Variants in KCNIP4 observed in about 807,000 individuals in gnomAD.
KCNIP4 encodes the protein Kv channel-interacting protein 4.
Under a neutral mutation model 34.0 loss-of-function variants are expected in KCNIP4, and 12 were observed. That is an observed-to-expected ratio of 0.35 (90% CI 0.23 to 0.57). KCNIP4 has a LOEUF of 0.57. KCNIP4 is among the 20% of genes least tolerant of loss of function. KCNIP4 has a pLI of 0.83. For missense variants in KCNIP4, 238 were observed against 311.7 expected (o/e 0.76, Z 1.78); for synonymous variants, 124 against 102.2 (o/e 1.21, Z -1.29).
At chr4:20,994,430 A>G (rs1384379540) in intron 1 of KCNIP4, among the ~76,000 whole-genome samples, 1 of 152,222 alleles carries the variant, frequency 6.6e-6, no homozygotes, top group Non-Finnish European at 1.5e-5. Flanking sequence ...TTTGAGAAGG[A>G]AAGGGCAGCT....
chr4:20,988,197 A>G (rs1329366829), intron 1 of KCNIP4, among the ~76,000 whole-genome samples: 1 of 151,936 alleles, frequency 6.6e-6, no homozygotes, highest in East Asian at 1.9e-4. Context: ...CTACTTTATC[A>G]TTCACCACCT....
chr4:21,014,520 A>T (rs140813201), intron 1 of KCNIP4, among the ~76,000 whole-genome samples: 446 of 152,372 alleles, frequency 2.9e-3, no homozygotes, highest in African/African-American at 0.01. Context: ...TAACATTCAA[A>T]ATCACATGTC....
intron 1 of KCNIP4, among the ~76,000 whole-genome samples, chr4:21,261,223 C>T (rs1281138503): frequency 6.6e-6 from 1 of 152,092 alleles, no homozygotes; most frequent in Non-Finnish European, 1.5e-5. Flanking sequence ...GGGACTCTGG[C>T]TTTAAATCAA....
chr4:20,931,920 C>G (rs12512047), intron 1 of KCNIP4, among the ~76,000 whole-genome samples: 13,944 of 37,582 alleles, frequency 0.37, 2,318 homozygotes, highest in East Asian at 0.46. Flanking sequence ...TAGTCTATAA[C>G]AGTCTAATAT....
chr4:21,012,341 G>A (rs535437813), intron 1 of KCNIP4, among the ~76,000 whole-genome samples: 24 of 152,294 alleles, frequency 1.6e-4, no homozygotes, highest in Admixed American at 3.3e-4. Context: ...CGCTTTAGGA[G>A]GCCAAAGCAA....
intron 1 of KCNIP4, among the ~76,000 whole-genome samples, chr4:21,234,024 T>TATATATAAC (rs1367004618): frequency 3.1e-5 from 3 of 96,604 alleles, no homozygotes; most frequent in Non-Finnish European, 5.1e-5. Flanking sequence ...TAACATATAT[T>TATATATAAC]ATATATAACA....
chr4:21,718,575 T>G (rs1011594525), intron 1 of KCNIP4: 1 of 152,158 alleles, frequency 6.6e-6, no homozygotes, highest in Non-Finnish European at 1.5e-5. Context: ...TGTCTGAAAC[T>G]TCTCTAAATG....
At chr4:20,984,028 G>C (rs1033210383) in intron 1 of KCNIP4, 78 of 1,485,178 alleles carry the variant, frequency 5.3e-5, no homozygotes, top group Non-Finnish European at 6.9e-5. Context: ...GACTTGCAAG[G>C]GGAAAAAGTG....
At chr4:21,874,808 C>T (rs957480868) in intron 1 of KCNIP4, among the ~76,000 whole-genome samples, 14 of 152,114 alleles carry the variant, frequency 9.2e-5, no homozygotes, top group Non-Finnish European at 1.6e-4. Context: ...TTTTTACTAC[C>T]TTTCCATATT....
intron 1 of KCNIP4, among the ~76,000 whole-genome samples, chr4:20,955,606 A>G (rs183252959): frequency 2.6e-5 from 4 of 152,288 alleles, no homozygotes; most frequent in Admixed American, 2.6e-4. Flanking sequence ...TCAATCCAAA[A>G]TACTGAAAAA....
chr4:21,304,069 CAGAGAGAGAGAG>C (rs1276234904), intron 1 of KCNIP4: 3 of 138,114 alleles, frequency 2.2e-5, no homozygotes, highest in African/African-American at 5.0e-5. Context: ...GAGAGAGAGA[CAGAGAGAGAGAG>C]AGAGACAGAG....
chr4:20,845,831 T>C (rs971544103), intron 3 of KCNIP4, among the ~76,000 whole-genome samples: 2 of 152,224 alleles, frequency 1.3e-5, no homozygotes, highest in South Asian at 4.1e-4. Context: ...CCACAAAGAA[T>C]TGAATTCTGC....
At chr4:20,828,996 G>A (rs529845661) in intron 3 of KCNIP4, among the ~76,000 whole-genome samples, 1 of 152,216 alleles carries the variant, frequency 6.6e-6, no homozygotes, top group South Asian at 2.1e-4. Context: ...AATTGGGGAC[G>A]TCAGTTTTGC....
In KCNIP4 at chr4:21,065,118, C is replaced by T. The variant is rs1022822709; in HGVS notation, c.62-182409G>A. ...AGCCCTATGTTTTGTTTCTCAAGCACGTAGTCACACCTTTCTTCCCCTTTA... is the reference window on the plus strand; with the variant it reads ...AGCCCTATGTTTTGTTTCTCAAGCATGTAGTCACACCTTTCTTCCCCTTTA... On this transcript the variant is annotated intron_variant, in intron 1 of 8. Coordinates refer to ENST00000382152, the MANE Select transcript of KCNIP4 (RefSeq NM_025221.6). 7.2e-5 allele frequency among the ~76,000 whole-genome samples: 11 copies of T among 152,314 alleles called. No individual in the cohort carries two copies. In the East Asian group the frequency reaches 7.7e-4, roughly 11 times the overall value.
chr4:21,120,813 A>G (rs1478717585), intron 1 of KCNIP4, among the ~76,000 whole-genome samples: 4 of 152,156 alleles, frequency 2.6e-5, no homozygotes, highest in Admixed American at 1.3e-4. Context: ...TCTTCCTGTG[A>G]AAACACCGGT....
intron 1 of KCNIP4, among the ~76,000 whole-genome samples, chr4:21,144,979 G>GA (rs5856605): frequency 4.6e-4 from 69 of 148,754 alleles, no homozygotes; most frequent in Admixed American, 1.3e-3. Context: ...CATCTTTAGG[G>GA]AAAAAAAAAA....
intron 1 of KCNIP4, among the ~76,000 whole-genome samples, chr4:21,810,902 A>C (rs999181512): frequency 2.6e-5 from 4 of 152,208 alleles, no homozygotes; most frequent in Non-Finnish European, 4.4e-5. Flanking sequence ...CAAATTCAGA[A>C]AGCTGTGCTC....
At chr4:21,724,383 C>T (rs879386144) in intron 1 of KCNIP4, among the ~76,000 whole-genome samples, 44 of 152,134 alleles carry the variant, frequency 2.9e-4, no homozygotes, top group African/African-American at 1.0e-3. Context: ...AAAAAAGTTA[C>T]AAATAATACA....
At chr4:20,825,173 T>C (rs773474873) in intron 3 of KCNIP4, among the ~76,000 whole-genome samples, 3 of 149,848 alleles carry the variant, frequency 2.0e-5, no homozygotes, top group Admixed American at 6.7e-5. Flanking sequence ...TGAGAGAAAA[T>C]AGAGTGAGTA....
Sources: allele counts gnomAD v4.1 joint callset (sites outside exome capture counted in the v4.1 genomes callset), GRCh38; gene constraint gnomAD v4.1.1; transcripts MANE v1.5; gene names NCBI Gene and HGNC (gene_info 2026-07-23, HGNC 2026-07-21).